Variants in NGEF observed in about 807,000 individuals in gnomAD.
The protein encoded by NGEF is neuronal guanine nucleotide exchange factor.
A neutral mutation model predicts 80.9 loss-of-function variants in NGEF; 31 were observed. The ratio of observed to expected loss-of-function variants is 0.38; its 90% CI spans 0.29 to 0.52. The LOEUF (loss-of-function observed/expected upper bound fraction) is 0.52, where lower values mean the gene tolerates loss of function less well. Ranked by LOEUF, NGEF falls within the 20% of genes least tolerant of loss-of-function variation. The pLI is 0.84. For synonymous variants in NGEF, 371 were observed against 370.2 expected (o/e 1.00, Z -0.03); for missense variants, 709 against 926.2 (o/e 0.77, Z 3.04).
intron 6 of NGEF, among the ~76,000 whole-genome samples, chr2:232,893,631 C>T (rs924493873): frequency 6.6e-6 from 1 of 152,048 alleles, no homozygotes; most frequent in Admixed American, 6.6e-5. Context: ...AAAAATTAGC[C>T]GAGTGTGGTG....
intron 5 of NGEF, among the ~76,000 whole-genome samples, chr2:232,899,327 G>C (rs1692201068): frequency 6.6e-6 from 1 of 152,124 alleles, no homozygotes; most frequent in Admixed American, 6.5e-5. Context: ...TCTCTGCTTG[G>C]TCTGGGAATG....
Position 232,888,126 on chromosome 2 carries a change from T to G in NGEF, c.1273-19A>C, listed in dbSNP as rs548009683. The stretch of plus-strand genomic sequence containing the variant: ...GGATGTTCTATGCACAGAGAAAGGC[T>G]GCGTTAACTTTAATCTTTTCTGGTC... On this transcript the variant is annotated intron_variant, in intron 8 of 14. Transcript: ENST00000264051. 3.0e-4 allele frequency: 474 copies of G among 1,560,788 alleles called. 6 individuals are homozygous for G. The South Asian group carries it at 5.4e-3, about 18-fold the overall frequency.
rs200175226 is a variant in NGEF at position 232,927,137 on chromosome 2, C to T, written c.433G>A (p.Ala145Thr). The change falls in exon 4 of 15, where the codon GCC becomes ACC. Residue 145 changes from alanine to threonine, a missense_variant. Around this residue, in one of 2 missense-constraint regions of NGEF, gnomAD observed 283 missense variants for 303.4 expected, o/e 0.93. Coordinates refer to ENST00000264051, the MANE Select transcript of NGEF (RefSeq NM_019850.3). ...AGCGTGGTGGGGCTGTCGGCCAGGG[C>T]CGGCCACTCCTCGGGCGTGGCCCCA... ...GNGATPEEWP[A>T]LADSPTTLTE... 1 of 1,611,324 alleles carries T rather than the reference C, an allele frequency of 6.2e-7. No homozygotes were observed. The highest frequency in any genetic ancestry group is 2.2e-5 in the East Asian group (1 of 44,808).
At chr2:232,925,187 T>C (rs1173014127) in intron 4 of NGEF, among the ~76,000 whole-genome samples, 1 of 152,236 alleles carries the variant, frequency 6.6e-6, no homozygotes, top group East Asian at 1.9e-4. Context: ...TTCATCCTGC[T>C]TTCCTTCCCC....
chr2:232,911,617 ATTGAATCT>A (rs1396445337), intron 5 of NGEF, among the ~76,000 whole-genome samples: 1 of 152,208 alleles, frequency 6.6e-6, no homozygotes, highest in East Asian at 1.9e-4. Flanking sequence ...TCTTTACTAT[ATTGAATCT>A]TTCAATCCAT....
chr2:232,948,793 G>A (rs773737175), intron 3 of NGEF, among the ~76,000 whole-genome samples: 4 of 152,120 alleles, frequency 2.6e-5, no homozygotes, highest in Non-Finnish European at 4.4e-5. Flanking sequence ...CGGGGCAGGC[G>A]GGTCACTTGA....
At chr2:233,002,931 T>C (rs1487458399) in intron 1 of NGEF, among the ~76,000 whole-genome samples, 2 of 152,148 alleles carry the variant, frequency 1.3e-5, no homozygotes, top group Non-Finnish European at 2.9e-5. Flanking sequence ...CCTGGGGGAC[T>C]CTGAGGAGCC....
rs182088600 is a variant in NGEF, at chr2:232,971,975, C to T, written c.269-1647G>A. ...GTCTGCTTACAGTGCCCTACCCCTG[C>T]CCTGTCCAACAGGGTGGCCGCTAGC... is the stretch of plus-strand genomic sequence containing the variant. On this transcript the variant is annotated intron_variant, in intron 2 of 14. Transcript: ENST00000264051. 3.9e-3 allele frequency among the ~76,000 whole-genome samples: 593 copies of T among 152,308 alleles called. 4 individuals carry two copies. The highest frequency in any genetic ancestry group is 0.014 in the African/African-American group (570 of 41,562).
chr2:232,881,433 TGG>T (rs1388072312), intron 13 of NGEF, among the ~76,000 whole-genome samples, 183 bp from the exon 14 acceptor site: 1 of 152,204 alleles, frequency 6.6e-6, no homozygotes, highest in East Asian at 1.9e-4. Flanking sequence ...CCAGGAGTTC[TGG>T]GAAGAAATAC....
chr2:232,920,178 G>T, intron 5 of NGEF, 106 bp downstream of exon 5: 1 of 1,110,258 alleles, frequency 9.0e-7, no homozygotes, highest in Non-Finnish European at 1.3e-6. Context: ...CGATTCCTCT[G>T]GTGAACCAGC....
chr2:232,993,529 AC>A (rs1484039521), intron 1 of NGEF, among the ~76,000 whole-genome samples: 1 of 152,108 alleles, frequency 6.6e-6, no homozygotes, highest in African/African-American at 2.4e-5. Flanking sequence ...AAAAGATCAA[AC>A]ATAGAGTTAC....
chr2:232,898,839 T>C (rs1228102745), intron 5 of NGEF, among the ~76,000 whole-genome samples: 1 of 152,160 alleles, frequency 6.6e-6, no homozygotes, highest in African/African-American at 2.4e-5. Flanking sequence ...TGGGAATGAG[T>C]GTATGTGTGC....
At chr2:232,906,352 G>GTC (rs1692536912) in intron 5 of NGEF, among the ~76,000 whole-genome samples, 1 of 93,030 alleles carries the variant, frequency 1.1e-5, no homozygotes, top group Admixed American at 1.1e-4. Context: ...GGTGGGGGGG[G>GTC]TCAGCCCCCC....
At chr2:232,924,361 G>A (rs1693014319) in intron 4 of NGEF, among the ~76,000 whole-genome samples, 1 of 152,172 alleles carries the variant, frequency 6.6e-6, no homozygotes. Context: ...CCAGCCCTCA[G>A]CAGACGCTGA....
At chr2:232,951,400 G>A (rs770237329) in intron 3 of NGEF, among the ~76,000 whole-genome samples, 1 of 152,184 alleles carries the variant, frequency 6.6e-6, no homozygotes, top group Non-Finnish European at 1.5e-5. Flanking sequence ...TGTCTCCCCA[G>A]TCCAAGGCAC....
intron 3 of NGEF, among the ~76,000 whole-genome samples, chr2:232,939,553 A>G (rs1693398633): frequency 6.6e-6 from 1 of 152,234 alleles, no homozygotes; most frequent in South Asian, 2.1e-4. Context: ...AAAATTACAA[A>G]TAACTGGATT....
intron 3 of NGEF, among the ~76,000 whole-genome samples, chr2:232,935,028 A>C (rs1365886695): frequency 6.6e-6 from 1 of 152,082 alleles, no homozygotes; most frequent in Non-Finnish European, 1.5e-5. Context: ...AATAATAATA[A>C]GAATAATTGG....
intron 5 of NGEF, among the ~76,000 whole-genome samples, chr2:232,910,059 G>A (rs1692659508): frequency 6.6e-6 from 1 of 152,108 alleles, no homozygotes; most frequent in African/African-American, 2.4e-5. Context: ...CCAACCAGGA[G>A]CAATTTTGGT....
intron 3 of NGEF, among the ~76,000 whole-genome samples, chr2:232,936,321 A>G (rs1309104426): frequency 1.3e-5 from 2 of 152,246 alleles, no homozygotes; most frequent in Non-Finnish European, 2.9e-5. Flanking sequence ...AAGTTAAAAA[A>G]CAAAATCAGT....
Sources: allele counts gnomAD v4.1 joint callset (sites outside exome capture counted in the v4.1 genomes callset), GRCh38; gene constraint gnomAD v4.1.1; regional missense constraint gnomAD v4.1.1; transcripts MANE v1.5; gene names NCBI Gene and HGNC (gene_info 2026-07-23, HGNC 2026-07-21).